FAM135B: variants seen among roughly 807,000 people sequenced by gnomAD.
FAM135B encodes family with sequence similarity 135 member B.
A neutral mutation model predicts 127.7 loss-of-function variants in FAM135B; 43 were observed. The ratio of observed to expected loss-of-function variants is 0.34; its 90% CI spans 0.26 to 0.43. The LOEUF (loss-of-function observed/expected upper bound fraction) is 0.43. FAM135B is among the 20% of genes least tolerant of loss of function. The probability of loss-of-function intolerance (pLI) is 1.00; values close to 1 mark genes in which losing one functional copy is unlikely to be tolerated. For synonymous variants in FAM135B, 670 were observed against 665.1 expected (o/e 1.01, Z -0.11); for missense variants, 1,558 against 1,725.6 (o/e 0.90, Z 1.72).
At chr8:138,493,345 T>C (rs945675399) in intron 1 of FAM135B, among the ~76,000 whole-genome samples, 1 of 152,136 alleles carries the variant, frequency 6.6e-6, no homozygotes, top group Non-Finnish European at 1.5e-5. Flanking sequence ...TCTTGGTGGT[T>C]GGGACCATGA....
intron 1 of FAM135B, among the ~76,000 whole-genome samples, chr8:138,422,101 C>T (rs1362343965): frequency 6.6e-6 from 1 of 152,092 alleles, no homozygotes; most frequent in Non-Finnish European, 1.5e-5. Flanking sequence ...CCCCTTTCAC[C>T]ATACACAAAA....
chr8:138,250,092 C>G (rs1022437602), intron 6 of FAM135B, among the ~76,000 whole-genome samples: 3 of 152,142 alleles, frequency 2.0e-5, no homozygotes, highest in Non-Finnish European at 4.4e-5. Context: ...GTGGCTCACG[C>G]CTGTAATCCC....
intron 1 of FAM135B, among the ~76,000 whole-genome samples, chr8:138,457,347 A>G (rs1047384380): frequency 3.3e-5 from 5 of 152,192 alleles, no homozygotes; most frequent in African/African-American, 1.2e-4. Flanking sequence ...CTGCAGGGTC[A>G]TATTGTCACA....
intron 2 of FAM135B, among the ~76,000 whole-genome samples, chr8:138,331,647 G>A (rs896544451): frequency 6.6e-6 from 1 of 152,170 alleles, no homozygotes; most frequent in Non-Finnish European, 1.5e-5. Context: ...CTCACCTGAT[G>A]ACTAATTAGT....
intron 1 of FAM135B, among the ~76,000 whole-genome samples, chr8:138,468,202 G>A (rs1355297313): frequency 6.6e-6 from 1 of 151,608 alleles, no homozygotes; most frequent in African/African-American, 2.4e-5. Context: ...AGCCTGACAT[G>A]TGTCAAAACT....
At chr8:138,377,315 T>A (rs188322971) in intron 1 of FAM135B, among the ~76,000 whole-genome samples, 2 of 152,346 alleles carry the variant, frequency 1.3e-5, no homozygotes, top group East Asian at 1.9e-4. Context: ...ACCTCTCATG[T>A]ACAGAGGAAT....
intron 11 of FAM135B, 98 bp from the exon 12 acceptor site, chr8:138,168,147 G>A: frequency 7.5e-7 from 1 of 1,324,980 alleles, no homozygotes; most frequent in Non-Finnish European, 1.0e-6. Flanking sequence ...TCGGTTCTCA[G>A]CTGACTCTGG....
chr8:138,134,326 G>T (rs1816450521), intron 19 of FAM135B, among the ~76,000 whole-genome samples: 1 of 152,098 alleles, frequency 6.6e-6, no homozygotes, highest in Non-Finnish European at 1.5e-5. Flanking sequence ...AGCATATATT[G>T]TTACACAAAT....
At chr8:138,265,957 T>C in intron 3 of FAM135B, 115 bp from the exon 4 acceptor site, 2 of 1,088,924 alleles carry the variant, frequency 1.8e-6, no homozygotes, top group Admixed American at 2.5e-5. Context: ...GCCTTCCAAT[T>C]TCCAAAGCTT....
At chr8:138,379,600 G>C (rs1251173104) in intron 1 of FAM135B, among the ~76,000 whole-genome samples, 2 of 152,090 alleles carry the variant, frequency 1.3e-5, no homozygotes. Flanking sequence ...CCAGGGCCCA[G>C]GTACCAGGAC....
At chr8:138,293,625 GCCAAC>G (rs1460306882) in intron 3 of FAM135B, among the ~76,000 whole-genome samples, 1 of 152,062 alleles carries the variant, frequency 6.6e-6, no homozygotes, top group Non-Finnish European at 1.5e-5. Flanking sequence ...TACACAAATG[GCCAAC>G]GAACATATGC....
chr8:138,444,874 T>G (rs1473117642), intron 1 of FAM135B, among the ~76,000 whole-genome samples: 2 of 152,066 alleles, frequency 1.3e-5, no homozygotes, highest in East Asian at 1.9e-4. Context: ...GCTGGTTTTT[T>G]GAAAAGATCA....
At chr8:138,200,646 A>T (rs549839193) in intron 7 of FAM135B, among the ~76,000 whole-genome samples, 1 of 152,066 alleles carries the variant, frequency 6.6e-6, no homozygotes, top group South Asian at 2.1e-4. Flanking sequence ...CAGCCTAATA[A>T]TTTTTTTCTT....
intron 3 of FAM135B, among the ~76,000 whole-genome samples, chr8:138,277,556 A>T (rs138575418): frequency 2.7e-3 from 406 of 152,306 alleles, no homozygotes; most frequent in African/African-American, 9.3e-3. Flanking sequence ...ATGTTTCTTT[A>T]TCTGAACTTC....
intron 2 of FAM135B, among the ~76,000 whole-genome samples, chr8:138,335,113 A>T (rs549389166): frequency 6.6e-6 from 1 of 152,302 alleles, no homozygotes; most frequent in African/African-American, 2.4e-5. Context: ...TCAACAGCAC[A>T]AATGTCTCAA....
rs531771165 is a variant in FAM135B at position 138,353,201 on chromosome 8, T to C, written c.77+14706A>G. 2.2e-4 allele frequency among the ~76,000 whole-genome samples: 33 copies of C among 152,276 alleles called. No individual in the cohort carries two copies. In the South Asian group the frequency reaches 2.9e-3, roughly 13 times the overall value. ...GAAGCCTTCTCTGTCTCCGACCATA[T>C]TGAGTAGTAAAACCGGGTTTATATG... On this transcript the variant is annotated intron_variant, in intron 2 of 19. Transcript: ENST00000395297.
intron 1 of FAM135B, among the ~76,000 whole-genome samples, chr8:138,406,864 C>A (rs7826282): frequency 6.6e-6 from 1 of 151,258 alleles, no homozygotes; most frequent in African/African-American, 2.4e-5. Context: ...CAGGGATGCC[C>A]TCTCTCACCA....
At chr8:138,397,535 A>T (rs1832917966) in intron 1 of FAM135B, among the ~76,000 whole-genome samples, 1 of 152,240 alleles carries the variant, frequency 6.6e-6, no homozygotes, top group Non-Finnish European at 1.5e-5. Flanking sequence ...CTCTAATAGC[A>T]TACGTACTTG....
intron 2 of FAM135B, among the ~76,000 whole-genome samples, chr8:138,317,944 A>G (rs1827207509): frequency 6.6e-6 from 1 of 152,256 alleles, no homozygotes; most frequent in South Asian, 2.1e-4. Flanking sequence ...GACCCCGCAG[A>G]AACATTGACT....
Sources: gnomAD v4.1 joint callset for allele counts (sites outside exome capture counted in the v4.1 genomes callset) on GRCh38, gnomAD v4.1.1 for gene constraint, MANE v1.5 for transcripts, NCBI Gene and HGNC (gene_info 2026-07-23, HGNC 2026-07-21) for gene names.